The following LPCAT2 variants were observed in gnomAD, a reference collection of about 807,000 sequenced individuals.
LPCAT2 encodes the protein 1-AGP acyltransferase 11.
A neutral mutation model predicts 64.7 loss-of-function variants in LPCAT2; 58 were observed. The observed-to-expected ratio is 0.90, with a 90% CI of 0.73 to 1.12. LPCAT2 has a LOEUF of 1.12. Ranked by LOEUF, LPCAT2 falls within the 50% of genes most tolerant of loss-of-function variation. The probability of loss-of-function intolerance (pLI) is 0.00; values close to 1 mark genes in which losing one functional copy is unlikely to be tolerated. For synonymous variants in LPCAT2, 252 were observed against 245.3 expected, an observed-to-expected ratio of 1.03 and a Z score of -0.26; for missense variants, 579 against 669.8, an observed-to-expected ratio of 0.86 and a Z score of 1.50.
At chr16:55,545,441 T>C (rs1281924414) in intron 8 of LPCAT2, 2 of 238,984 alleles carry the variant, frequency 8.4e-6, no homozygotes, top group Non-Finnish European at 8.0e-6. Flanking sequence ...CTTCCAGAAT[T>C]CCAGACACTG....
intron 7 of LPCAT2, among the ~76,000 whole-genome samples, chr16:55,535,252 A>G (rs1371791454): frequency 4.6e-5 from 7 of 152,192 alleles, no homozygotes; most frequent in Non-Finnish European, 1.0e-4. Context: ...GTAGGTGACA[A>G]TAACTTGGAA....
At chr16:55,518,394 G>A (rs1168515224) in intron 1 of LPCAT2, among the ~76,000 whole-genome samples, 1 of 152,046 alleles carries the variant, frequency 6.6e-6, no homozygotes, top group Non-Finnish European at 1.5e-5. Flanking sequence ...ATATCAGCTG[G>A]CTTCTTTATT....
intron 2 of LPCAT2, among the ~76,000 whole-genome samples, chr16:55,527,212 G>A (rs1431487567): frequency 6.6e-6 from 1 of 152,104 alleles, no homozygotes; most frequent in African/African-American, 2.4e-5. Context: ...TTACAAAAAT[G>A]TGGAGAAAAT....
Position 55,545,813 on chromosome 16 carries a change from G to A in LPCAT2, c.931G>A (p.Ala311Thr). Reference protein sequence around the residue: ...LFANKVRNLMAEALGIPVTDH... With the variant: ...LFANKVRNLMTEALGIPVTDH... ...TGCCAATAAAGTCCGGAATTTAATG[G>A]CAGAGTAAGTGTCTATATTTGATTA... Residue 311 changes from alanine to threonine, a missense_variant, in exon 9 of 14, where the codon GCA becomes ACA. Ala to Thr is a moderately conservative substitution (Grantham distance 58). Transcript: ENST00000262134. The A allele has an allele frequency of 6.2e-7, 1 of 1,604,386 alleles. No individual in the cohort carries two copies. The highest frequency in any genetic ancestry group is 2.2e-5 in the East Asian group (1 of 44,754).
At chr16:55,527,181 T>G (rs1204497522) in intron 2 of LPCAT2, among the ~76,000 whole-genome samples, 1 of 152,132 alleles carries the variant, frequency 6.6e-6, no homozygotes, top group Non-Finnish European at 1.5e-5. Flanking sequence ...AACTAGTTGC[T>G]AATAGCTCCT....
At chr16:55,550,002 CT>C (rs1432347434) in intron 10 of LPCAT2, among the ~76,000 whole-genome samples, 4 of 152,156 alleles carry the variant, frequency 2.6e-5, no homozygotes, top group African/African-American at 9.7e-5. Flanking sequence ...GTTCTCAGCC[CT>C]AACTGGAATT....
Position 55,537,600 on chromosome 16 carries a change from T to C in LPCAT2, c.820T>C (p.Phe274Leu), listed in dbSNP as rs1963340195. The change falls in exon 8 of 14, where the codon TTC becomes CTC. Residue 274 changes from phenylalanine (F) to leucine (L), a missense_variant. Transcript: ENST00000262134. The part of the protein sequence containing the change: ...YTFIQLCMLT[F>L]CQLFTKVEVE... ...CAGCATTCAGCTTTGTATGCTTACT[T>C]TCTGCCAGCTCTTCACAAAGGTAGA... is the stretch of plus-strand genomic sequence containing the variant. The C allele has an allele frequency of 2.5e-6, 4 of 1,613,282 alleles. No individual in the cohort carries two copies.
chr16:55,509,101 G>T lies in LPCAT2; in HGVS notation c.-81G>T, dbSNP rs1305700589. ...GCTCCCCAGCGTCGCCCTAGGCTGG[G>T]ACTCTAGTAGGTCTTCGGCTCAGTT... On this transcript the variant is annotated 5_prime_UTR_variant, in exon 1 of 14. Coordinates refer to ENST00000262134, the MANE Select transcript of LPCAT2 (RefSeq NM_017839.5). 4 of 1,192,784 alleles carry T rather than the reference G, an allele frequency of 3.4e-6. No individual in the cohort carries two copies. Among genetic ancestry groups the T allele is most frequent in the Admixed American group, 8.4e-5 (2 of 23,936 alleles). The allele number at this position is 1,192,784 out of a possible 1,614,324, so 73.9% of individuals were successfully genotyped here.
chr16:55,562,534 C>A (rs1223318880), intron 11 of LPCAT2, among the ~76,000 whole-genome samples: 8 of 151,782 alleles, frequency 5.3e-5, no homozygotes, highest in African/African-American at 1.5e-4. Context: ...AACCTAAATA[C>A]TAAAACATAT....
At chr16:55,581,424 T>A (rs1176440733) in intron 13 of LPCAT2, among the ~76,000 whole-genome samples, 1 of 152,224 alleles carries the variant, frequency 6.6e-6, no homozygotes, top group African/African-American at 2.4e-5. Context: ...AACATTGCAA[T>A]TGCAAATAAT....
intron 1 of LPCAT2, among the ~76,000 whole-genome samples, chr16:55,517,561 A>C (rs1401640997): frequency 6.6e-6 from 1 of 152,154 alleles, no homozygotes; most frequent in East Asian, 1.9e-4. Flanking sequence ...ACAGACCAAT[A>C]TCCATTGTGA....
chr16:55,517,932 A>G (rs968470976), intron 1 of LPCAT2, among the ~76,000 whole-genome samples: 5 of 152,238 alleles, frequency 3.3e-5, no homozygotes, highest in Non-Finnish European at 5.9e-5. Flanking sequence ...CTTCTATTCA[A>G]CATTGTACTG....
At position 55,584,996 on chromosome 16, in the gene LPCAT2, C is replaced by G. The variant is rs1424138346; in HGVS notation, c.*1898C>G. 1 of 152,064 alleles carries G rather than the reference C, an allele frequency of 6.6e-6. No homozygotes were observed. The highest frequency in any genetic ancestry group is 1.5e-5 in the Non-Finnish European group (1 of 67,984). The allele number at this position is 152,064 out of a possible 1,614,324, so 9.4% of individuals were successfully genotyped here. A position where few individuals can be genotyped will look rare whatever the true frequency, so the allele number is the denominator to read the frequency against. On this transcript the variant is annotated 3_prime_UTR_variant, in exon 14 of 14. Transcript: ENST00000262134. ...TATCAAAGAAAAACCACACATTAAT[C>G]CTATTAATCATGAAAGCGTAGCATT...
At chr16:55,569,829 C>T (rs1376563972) in intron 11 of LPCAT2, among the ~76,000 whole-genome samples, 2 of 152,092 alleles carry the variant, frequency 1.3e-5, no homozygotes, top group Non-Finnish European at 2.9e-5. Context: ...GAACCAATAG[C>T]CTAGCAAGTG....
At position 55,583,232 on chromosome 16, in the gene LPCAT2, CT is replaced by C. The variant is rs1596895287; in HGVS notation, c.*136del. On this transcript the variant is annotated 3_prime_UTR_variant, in exon 14 of 14. Transcript: ENST00000262134. ...TTTTAAAACAAAAATGATAGATTTT[CT>C]TACTAAAAATGTTTTTATTAACCTT... 1 of 730,132 alleles carries C rather than the reference CT, an allele frequency of 1.4e-6. No individual in the cohort carries two copies. The highest frequency in any genetic ancestry group is 1.8e-5 in the African/African-American group (1 of 56,764). 45.2% of individuals were successfully genotyped at this position (730,132 alleles called of 1,614,324 possible). A position where few individuals can be genotyped will look rare whatever the true frequency, so the allele number is the denominator to read the frequency against.
chr16:55,567,320 A>G (rs1963714606), intron 11 of LPCAT2: 1 of 1,613,648 alleles, frequency 6.2e-7, no homozygotes, highest in South Asian at 1.1e-5. Context: ...TAAATGAACA[A>G]CTTTACCAAA....
intron 4 of LPCAT2, 68 bp downstream of exon 4, chr16:55,530,015 C>A: frequency 8.8e-7 from 1 of 1,131,398 alleles, no homozygotes; most frequent in South Asian, 1.5e-5. Context: ...TAGACTTACT[C>A]ATTTGGATCC....
At position 55,580,054 on chromosome 16, in the gene LPCAT2, A is replaced by G. The variant is rs79521914; in HGVS notation, c.1450+810A>G. ...GGGTTTGATGTGGTCATGGATGTCA[A>G]GCTGGCTTATCTTCCCCAGTCTTTC... On this transcript the variant is annotated intron_variant, in intron 13 of 13. Coordinates refer to ENST00000262134, the MANE Select transcript of LPCAT2 (RefSeq NM_017839.5). Among the ~76,000 whole-genome samples, 1,482 of 152,298 alleles carry G rather than the reference A, an allele frequency of 9.7e-3. 29 individuals are homozygous for G. Among genetic ancestry groups the G allele is most frequent in the African/African-American group, 0.034 (1,400 of 41,556 alleles).
chr16:55,532,906 G>C (rs199824218), intron 6 of LPCAT2, 24 bp downstream of exon 6: 2 of 1,597,820 alleles, frequency 1.3e-6, no homozygotes, highest in East Asian at 4.5e-5. Context: ...TTTACCACAG[G>C]AAGAATTTCA....
Sources: gnomAD v4.1 joint callset for allele counts (sites outside exome capture counted in the v4.1 genomes callset) on GRCh38, gnomAD v4.1.1 for gene constraint, MANE v1.5 for transcripts, NCBI Gene and HGNC (gene_info 2026-07-23, HGNC 2026-07-21) for gene names.